Variants in AREL1 observed in about 807,000 individuals in gnomAD.
AREL1 encodes the protein apoptosis-resistant E3 ubiquitin protein ligase 1.
Under a neutral mutation model 99.0 loss-of-function variants are expected in AREL1, and 62 were observed. The ratio of observed to expected loss-of-function variants is 0.63; its 90% CI spans 0.51 to 0.77. The LOEUF (loss-of-function observed/expected upper bound fraction) is 0.77. AREL1 is among the 30% of genes least tolerant of loss of function. AREL1 has a pLI of 0.00. For missense variants in AREL1, 879 were observed against 1,027.6 expected (o/e 0.86, Z 1.98); for synonymous variants, 380 against 376.5 (o/e 1.01, Z -0.11).
intron 5 of AREL1, 126 bp downstream of exon 5, chr14:74,683,170 A>G: frequency 1.4e-6 from 1 of 720,146 alleles, no homozygotes; most frequent in Non-Finnish European, 2.2e-6. Context: ...GTATACTTTA[A>G]AAGGATGAAT....
intron 1 of AREL1, among the ~76,000 whole-genome samples, chr14:74,699,032 C>A (rs1433128056): frequency 6.6e-6 from 1 of 152,046 alleles, no homozygotes; most frequent in South Asian, 2.1e-4. Context: ...CCAAAAAAAA[C>A]CAAGGTGTTT....
intron 1 of AREL1, chr14:74,698,812 C>A: frequency 3.8e-6 from 1 of 260,474 alleles, no homozygotes; most frequent in Non-Finnish European, 8.3e-6. Context: ...TGGCTTGCGC[C>A]CAGGAGTTCA....
chr14:74,671,264 T>G, intron 12 of AREL1, 144 bp downstream of exon 12: 4 of 518,898 alleles, frequency 7.7e-6, no homozygotes, highest in East Asian at 3.5e-5. Context: ...CCCTTTTCCT[T>G]GGGGAAAAAA....
Position 74,692,266 on chromosome 14 carries a change from T to C in AREL1, c.-271A>G, listed in dbSNP as rs1356285363. On this transcript the variant is annotated 5_prime_UTR_variant, in exon 2 of 20. In the 5' UTR this introduces an upstream ATG that the reference lacks. Transcript: ENST00000356357. ...GGTAGAGAAATACAGCCCAAGAATA[T>C]ATCATTCCTGGACTTCTCTCTAGTG... is the stretch of plus-strand genomic sequence containing the variant. The C allele has an allele frequency of 2.2e-6, 1 of 456,578 alleles. No homozygotes were observed. The highest frequency in any genetic ancestry group is 7.0e-5 in the East Asian group (1 of 14,376). 28.3% of individuals were successfully genotyped at this position (456,578 alleles called of 1,614,324 possible).
Position 74,684,304 on chromosome 14 carries a change from T to C in AREL1, c.243+150A>G, listed in dbSNP as rs1257002152. On this transcript the variant is annotated intron_variant, in intron 4 of 19. Coordinates refer to ENST00000356357, the MANE Select transcript of AREL1 (RefSeq NM_001039479.2). ...TATTAAATCAAAATGACAGAGAAAT[T>C]TGTGACTCTTCAGATAGTAGCAATT... is the stretch of plus-strand genomic sequence containing the variant. 5 of 657,606 alleles carry C rather than the reference T, an allele frequency of 7.6e-6. No individual in the cohort carries two copies. The East Asian group carries it at 1.4e-4, about 18-fold the overall frequency. The allele number at this position is 657,606 out of a possible 1,614,324, so 40.7% of individuals were successfully genotyped here. A position where few individuals can be genotyped will look rare whatever the true frequency, so the allele number is the denominator to read the frequency against.
At chr14:74,665,748 C>T (rs1401667956) in intron 17 of AREL1, among the ~76,000 whole-genome samples, 1 of 152,156 alleles carries the variant, frequency 6.6e-6, no homozygotes, top group Non-Finnish European at 1.5e-5. Flanking sequence ...GGTTCAGGAT[C>T]CAGCATGTTA....
chr14:74,678,019 T>C (rs1390670921), intron 5 of AREL1, among the ~76,000 whole-genome samples: 2 of 152,168 alleles, frequency 1.3e-5, no homozygotes, highest in African/African-American at 4.8e-5. Context: ...ATGTCAATTT[T>C]CCCCAAATTG....
At chr14:74,696,658 C>T (rs1239623058) in intron 1 of AREL1, among the ~76,000 whole-genome samples, 1 of 151,948 alleles carries the variant, frequency 6.6e-6, no homozygotes, top group Non-Finnish European at 1.5e-5. Flanking sequence ...AGACTGGGCC[C>T]TCTCTAAAAA....
chr14:74,667,601 C>A lies in AREL1; in HGVS notation c.1915-7G>T. On this transcript the variant is annotated splice_region_variant and splice_polypyrimidine_tract_variant and intron_variant, in intron 15 of 19. Transcript: ENST00000356357. ...CTGTCATGAGTTCTACAACCTGTAACAGGCAGCAAAAGACAGACAAGGGAG... is the reference window on the plus strand; with the variant it reads ...CTGTCATGAGTTCTACAACCTGTAAAAGGCAGCAAAAGACAGACAAGGGAG... 1 of 1,599,430 alleles carries A rather than the reference C, an allele frequency of 6.3e-7. No individual in the cohort carries two copies. The highest frequency in any genetic ancestry group is 8.5e-7 in the Non-Finnish European group (1 of 1,172,306).
At chr14:74,670,310 G>A (rs2089305803) in intron 13 of AREL1, among the ~76,000 whole-genome samples, 184 bp from the exon 14 acceptor site, 1 of 152,182 alleles carries the variant, frequency 6.6e-6, no homozygotes, top group Admixed American at 6.5e-5. Flanking sequence ...AAGATAAAGG[G>A]CAAAGGTGGA....
chr14:74,710,042 T>C (rs865837553), intron 1 of AREL1, among the ~76,000 whole-genome samples: 1 of 152,182 alleles, frequency 6.6e-6, no homozygotes, highest in Admixed American at 6.5e-5. Context: ...ACTAAAATCA[T>C]TTCTTTTCCT....
chr14:74,670,816 T>C lies in AREL1; in HGVS notation c.1554A>G (p.Leu518=). ...REWFELICKA[L]FDTTNQLFTR... is the part of the protein sequence containing the mutation. ...TGAAGAGCTGATTGGTGGTATCAAA[T>C]AGTGCTTTGCAGATTAGCTCAAACC... Residue 518 remains leucine (L), a synonymous_variant, in exon 13 of 20, where the codon CTA becomes CTG. Transcript: ENST00000356357. 1 of 1,614,144 alleles carries C rather than the reference T, an allele frequency of 6.2e-7. No homozygotes were observed. Among genetic ancestry groups the C allele is most frequent in the Non-Finnish European group, 8.5e-7 (1 of 1,179,996 alleles).
chr14:74,700,200 A>G (rs1021430501), intron 1 of AREL1, among the ~76,000 whole-genome samples: 1 of 152,268 alleles, frequency 6.6e-6, no homozygotes, highest in African/African-American at 2.4e-5. Context: ...CAGGCATTGT[A>G]TAAAGTGCTA....
In AREL1 at chr14:74,663,841, A is replaced by G; in HGVS notation, c.2370-19T>C. 1 of 1,614,202 alleles carries G rather than the reference A, an allele frequency of 6.2e-7. No individual in the cohort carries two copies. Among genetic ancestry groups the G allele is most frequent in the Non-Finnish European group, 8.5e-7 (1 of 1,180,022 alleles). The stretch of plus-strand genomic sequence containing the variant: ...GTTAAAACTGGAAGGGCAAGGGAGA[A>G]GTGATTAACTCATACCACCAAAAAC... On this transcript the variant is annotated intron_variant, in intron 19 of 19. Transcript: ENST00000356357.
At chr14:74,684,783 T>C (rs2089713717) in intron 3 of AREL1, 103 bp from the exon 4 acceptor site, 3 of 1,032,586 alleles carry the variant, frequency 2.9e-6, no homozygotes, top group Middle Eastern at 2.0e-4. Context: ...GAGGTCAGGA[T>C]GAGACTGTAA....
At chr14:74,708,919 C>T (rs1312661634) in intron 1 of AREL1, among the ~76,000 whole-genome samples, 1 of 152,204 alleles carries the variant, frequency 6.6e-6, no homozygotes, top group African/African-American at 2.4e-5. Flanking sequence ...AGGAAAACAT[C>T]ACTATGGTGC....
Position 74,663,711 on chromosome 14 carries a change from G to A in AREL1, c.*9C>T. ...GAGCATGGGAGCCAACTGGATGACA[G>A]GAGAGTGGTCAGAGCATGCCAAAGC... On this transcript the variant is annotated 3_prime_UTR_variant, in exon 20 of 20. Coordinates refer to ENST00000356357, the MANE Select transcript of AREL1 (RefSeq NM_001039479.2). 6.2e-7 allele frequency: 1 copy of A among 1,613,348 alleles called. No individual in the cohort carries two copies. The highest frequency in any genetic ancestry group is 1.1e-5 in the South Asian group (1 of 91,032).
At chr14:74,696,444 TA>T (rs968491189) in intron 1 of AREL1, among the ~76,000 whole-genome samples, 1 of 152,234 alleles carries the variant, frequency 6.6e-6, no homozygotes, top group African/African-American at 2.4e-5. Flanking sequence ...TCAAGGCTAA[TA>T]TTTCCTAAAA....
At chr14:74,681,047 G>T (rs147464033) in intron 5 of AREL1, among the ~76,000 whole-genome samples, 3 of 152,064 alleles carry the variant, frequency 2.0e-5, no homozygotes, top group Non-Finnish European at 4.4e-5. Flanking sequence ...TTAACCGAGC[G>T]TGGTGGTGCA....
Sources: allele counts gnomAD v4.1 joint callset (sites outside exome capture counted in the v4.1 genomes callset), GRCh38; gene constraint gnomAD v4.1.1; transcripts MANE v1.5; gene names NCBI Gene and HGNC (gene_info 2026-07-23, HGNC 2026-07-21).